The following SYDE1 variants were observed in gnomAD, a reference collection of about 807,000 sequenced individuals.
The protein encoded by SYDE1 is synapse defective Rho GTPase activating protein 1.
Under a neutral mutation model 63.3 loss-of-function variants are expected in SYDE1, and 34 were observed. The observed-to-expected ratio is 0.54, with a 90% CI of 0.41 to 0.71. The LOEUF is 0.71. Ranked by LOEUF, SYDE1 falls within the 30% of genes least tolerant of loss-of-function variation. The pLI, the probability that SYDE1 is intolerant of heterozygous loss-of-function variation, is 0.00. For missense variants in SYDE1, 925 were observed against 1,042.5 expected, an observed-to-expected ratio of 0.89 and a Z score of 1.55; for synonymous variants, 467 against 473.4, an observed-to-expected ratio of 0.99 and a Z score of 0.18.
rs2046346286 is a variant in SYDE1, at chr19:15,111,596, G to GA, written c.1418-36_1418-35insA. Reference sequence around the variant, plus strand: ...GTGCCCTCCTTAGCCTTAGAAGCCAGTGGTGCCCTGACCAGAGGGGACCCT... The same window carrying GA: ...GTGCCCTCCTTAGCCTTAGAAGCCAGATGGTGCCCTGACCAGAGGGGACCCT... On this transcript the variant is annotated intron_variant, in intron 5 of 7. Transcript: ENST00000342784. The surrounding 1 kb of genome is among the most constrained non-coding windows in gnomAD (Gnocchi z 5.5). 1 of 1,612,490 alleles carries GA rather than the reference G, an allele frequency of 6.2e-7. No individual in the cohort carries two copies. Among genetic ancestry groups the GA allele is most frequent in the African/African-American group, 1.3e-5 (1 of 74,892 alleles).
intron 7 of SYDE1, 104 bp downstream of exon 7, chr19:15,112,675 T>A: frequency 2.0e-6 from 2 of 989,096 alleles, no homozygotes; most frequent in Non-Finnish European, 2.9e-6. Flanking sequence ...CTACGCCCCC[T>A]CATGGAGTAA....
Position 15,110,459 on chromosome 19 carries a change from A to T in SYDE1, c.1076-62A>T. 1.8e-5 allele frequency: 27 copies of T among 1,505,068 alleles called. No homozygotes were observed. Among genetic ancestry groups the T allele is most frequent in the Non-Finnish European group, 2.4e-5 (27 of 1,121,222 alleles). The allele number at this position is 1,505,068 out of a possible 1,614,324, so 93.2% of individuals were successfully genotyped here. ...CCGGGCGGAAGGTGTGGCCTGGAGC[A>T]GCGAGGCCAGGGTACATGAAGCTTC... On this transcript the variant is annotated intron_variant, in intron 3 of 7. Transcript: ENST00000342784. The surrounding 1 kb of genome is among the most constrained non-coding windows in gnomAD (Gnocchi z 6.9).
At chr19:15,107,584 C>A in intron 1 of SYDE1, 63 bp downstream of exon 1, 1 of 1,284,372 alleles carries the variant, frequency 7.8e-7, no homozygotes, top group East Asian at 3.0e-5. Flanking sequence ...AGCGGGGTCC[C>A]AGGGCCCCGA....
Position 15,109,908 on chromosome 19 carries a change from G to GC in SYDE1, c.639dup (p.Gly214ArgfsTer179). ...TACCACCTGGACAGCAGCGTGGGGG[G>GC]CCCCGGGCCGGCAGCAGGGCCTGGG... On this transcript the variant is annotated frameshift_variant, in exon 3 of 8. Transcript: ENST00000342784. LOFTEE classifies it high-confidence loss of function. This position sits in a 1 kb window ranked among gnomAD's most constrained non-coding sequence, Gnocchi z 5.0. The GC allele has an allele frequency of 1.4e-6, 2 of 1,466,252 alleles. No homozygotes were observed. Among genetic ancestry groups the GC allele is most frequent in the East Asian group, 2.7e-5 (1 of 37,684 alleles). 90.8% of individuals were successfully genotyped at this position (1,466,252 alleles called of 1,614,324 possible).
At position 15,108,736 on chromosome 19, in the gene SYDE1, T is replaced by G; in HGVS notation, c.89-320T>G. ...GCAGGTGCAAAGCTCCATGCCACGG[T>G]TATTGAGAGGGTAGAGGAAGTGGAG... On this transcript the variant is annotated intron_variant, in intron 1 of 7. Coordinates refer to ENST00000342784, the MANE Select transcript of SYDE1 (RefSeq NM_033025.6). This position sits in a 1 kb window ranked among gnomAD's most constrained non-coding sequence, Gnocchi z 4.3. The G allele has an allele frequency of 1.5e-5, 4 of 272,538 alleles. No homozygotes were observed. The highest frequency in any genetic ancestry group is 2.7e-5 in the Non-Finnish European group (4 of 145,966). 16.9% of individuals were successfully genotyped at this position (272,538 alleles called of 1,614,324 possible). A position where few individuals can be genotyped will look rare whatever the true frequency, so the allele number is the denominator to read the frequency against.
Position 15,111,850 on chromosome 19 carries a change from G to T in SYDE1, c.1578+58G>T. 6.7e-7 allele frequency: 1 copy of T among 1,484,936 alleles called. No individual in the cohort carries two copies. Among genetic ancestry groups the T allele is most frequent in the South Asian group, 1.4e-5 (1 of 73,016 alleles). The allele number at this position is 1,484,936 out of a possible 1,614,324, so 92.0% of individuals were successfully genotyped here. A position where few individuals can be genotyped will look rare whatever the true frequency, so the allele number is the denominator to read the frequency against. ...GAGAGTGGGCTGATACCAATAGAAT[G>T]TTTCACCCATGCCTGGGCCTGAGAT... On this transcript the variant is annotated intron_variant, in intron 6 of 7. Transcript: ENST00000342784. The surrounding 1 kb of genome is among the most constrained non-coding windows in gnomAD (Gnocchi z 5.5).
rs757914105 is a variant in SYDE1, at chr19:15,111,422, A to G, written c.1400A>G (p.Asp467Gly). The G allele has an allele frequency of 2.5e-6, 4 of 1,613,890 alleles. No individual in the cohort carries two copies. In the Admixed American group the frequency reaches 5.0e-5, roughly 20 times the overall value. ...AVCLSEDLYP[D>G]INVITGILKD... ...TGCCTATCTGAGGACCTGTACCCCGATATCAATGTCATCACTGGTCAGCAT... is the reference window on the plus strand; with the variant it reads ...TGCCTATCTGAGGACCTGTACCCCGGTATCAATGTCATCACTGGTCAGCAT... The change falls in exon 5 of 8, where the codon GAT becomes GGT. Residue 467 changes from aspartate (D) to glycine (G), a missense_variant. This residue lies in a region of SYDE1 where 71 missense variants were observed against 132.8 expected (regional missense o/e 0.53). Transcript: ENST00000342784. This position sits in a 1 kb window ranked among gnomAD's most constrained non-coding sequence, Gnocchi z 5.5.
rs757780341 is a variant in SYDE1, at chr19:15,113,729, CGGGCGGGACTTCCTGCCCTGT to C, written c.1983_2003del (p.Pro664_Leu670del). 46 of 1,613,478 alleles carry C rather than the reference CGGGCGGGACTTCCTGCCCTGT, an allele frequency of 2.9e-5. No individual in the cohort carries two copies. The highest frequency in any genetic ancestry group is 3.7e-5 in the Non-Finnish European group (44 of 1,179,810). ...GCTACGCCGGCGACTGGAGCGTTTGCGGGCGGGACTTCCTGCCCTGTGGGCGGGATTTCCTGTCCGGGCCAG... is the reference window on the plus strand; with the variant it reads ...GCTACGCCGGCGACTGGAGCGTTTGCGGGCGGGATTTCCTGTCCGGGCCAG... On this transcript the variant is annotated inframe_deletion, in exon 8 of 8. Coordinates refer to ENST00000342784, the MANE Select transcript of SYDE1 (RefSeq NM_033025.6).
At position 15,108,979 on chromosome 19, in the gene SYDE1, C is replaced by G. The variant is rs1376890414; in HGVS notation, c.89-77C>G. 1.4e-6 allele frequency: 2 copies of G among 1,424,860 alleles called. No homozygotes were observed. Among genetic ancestry groups the G allele is most frequent in the Admixed American group, 5.9e-5 (2 of 33,746 alleles). The allele number at this position is 1,424,860 out of a possible 1,614,324, so 88.3% of individuals were successfully genotyped here. On this transcript the variant is annotated intron_variant, in intron 1 of 7. Coordinates refer to ENST00000342784, the MANE Select transcript of SYDE1 (RefSeq NM_033025.6). The surrounding 1 kb of genome is among the most constrained non-coding windows in gnomAD (Gnocchi z 4.3). ...GCCAGGGCCGTACACAGCATCCCAC[C>G]CACTGATCAATTGCACAGGGCTGCT...
At position 15,111,598 on chromosome 19, in the gene SYDE1, G is replaced by A. The variant is rs1311673906; in HGVS notation, c.1418-34G>A. On this transcript the variant is annotated intron_variant, in intron 5 of 7. Coordinates refer to ENST00000342784, the MANE Select transcript of SYDE1 (RefSeq NM_033025.6). The surrounding 1 kb of genome is among the most constrained non-coding windows in gnomAD (Gnocchi z 5.5). ...GCCCTCCTTAGCCTTAGAAGCCAGT[G>A]GTGCCCTGACCAGAGGGGACCCTGT... is the stretch of plus-strand genomic sequence containing the variant. 1 of 1,612,600 alleles carries A rather than the reference G, an allele frequency of 6.2e-7. No homozygotes were observed. The highest frequency in any genetic ancestry group is 1.3e-5 in the African/African-American group (1 of 74,894).
In SYDE1 at chr19:15,111,567, A is replaced by G; in HGVS notation, c.1418-65A>G. 3.7e-6 allele frequency: 6 copies of G among 1,605,324 alleles called. No homozygotes were observed. The highest frequency in any genetic ancestry group is 5.1e-6 in the Non-Finnish European group (6 of 1,174,674). ...TTTCACCCACCTCCTCTTCCCCCTT[A>G]GCTGTGCCCTCCTTAGCCTTAGAAG... On this transcript the variant is annotated intron_variant, in intron 5 of 7. Coordinates refer to ENST00000342784, the MANE Select transcript of SYDE1 (RefSeq NM_033025.6). This position sits in a 1 kb window ranked among gnomAD's most constrained non-coding sequence, Gnocchi z 5.5.
chr19:15,113,994 A>G lies in SYDE1; in HGVS notation c.*31A>G. ...ATGACGGGGTGGGACCCCGGTTAGTAAGGACCGGGCGCCCAGTGGCTAAGG... is the reference window on the plus strand; with the variant it reads ...ATGACGGGGTGGGACCCCGGTTAGTGAGGACCGGGCGCCCAGTGGCTAAGG... On this transcript the variant is annotated 3_prime_UTR_variant, in exon 8 of 8. Transcript: ENST00000342784. The G allele has an allele frequency of 6.3e-7, 1 of 1,589,976 alleles. No individual in the cohort carries two copies. Among genetic ancestry groups the G allele is most frequent in the Non-Finnish European group, 8.6e-7 (1 of 1,166,508 alleles).
Position 15,110,248 on chromosome 19 carries a change from C to T in SYDE1, c.975C>T (p.Ala325=), listed in dbSNP as rs1217553641. 31 of 1,413,186 alleles carry T rather than the reference C, an allele frequency of 2.2e-5. No individual in the cohort carries two copies. The South Asian group carries it at 4.4e-4, about 20-fold the overall frequency. 87.5% of individuals were successfully genotyped at this position (1,413,186 alleles called of 1,614,324 possible). The change falls in exon 3 of 8, where the codon GCC becomes GCT. Residue 325 remains alanine (A), a synonymous_variant. Transcript: ENST00000342784. The surrounding 1 kb of genome is among the most constrained non-coding windows in gnomAD (Gnocchi z 6.9). ...LDHTFHLELE[A]ARLLRALVLA... ...ACACCTTCCACCTGGAGCTGGAGGCCGCCAGGCTCCTGCGCGCCCTGGTGC... is the reference window on the plus strand; with the variant it reads ...ACACCTTCCACCTGGAGCTGGAGGCTGCCAGGCTCCTGCGCGCCCTGGTGC...
At position 15,109,700 on chromosome 19, in the gene SYDE1, A is replaced by C. The variant is rs1599322038; in HGVS notation, c.431-4A>C. 6.7e-7 allele frequency: 1 copy of C among 1,483,258 alleles called. No homozygotes were observed. The highest frequency in any genetic ancestry group is 9.0e-7 in the Non-Finnish European group (1 of 1,114,232). 91.9% of individuals were successfully genotyped at this position (1,483,258 alleles called of 1,614,324 possible). On this transcript the variant is annotated splice_region_variant and splice_polypyrimidine_tract_variant and intron_variant, in intron 2 of 7. Transcript: ENST00000342784. This position sits in a 1 kb window ranked among gnomAD's most constrained non-coding sequence, Gnocchi z 5.0. ...CTGGACCCTGAAGTCTGCTCTCCAC[A>C]CAGGTGCAGCCCCCGCCAGCCCCCC...
chr19:15,110,270 G>C lies in SYDE1; in HGVS notation c.997G>C (p.Val333Leu). 2 of 1,416,854 alleles carry C rather than the reference G, an allele frequency of 1.4e-6. No homozygotes were observed. The highest frequency in any genetic ancestry group is 1.8e-6 in the Non-Finnish European group (2 of 1,088,236). 87.8% of individuals were successfully genotyped at this position (1,416,854 alleles called of 1,614,324 possible). The change falls in exon 3 of 8, where the codon GTG becomes CTG. Residue 333 changes from valine to leucine, a missense_variant. Val to Leu is a conservative substitution (Grantham distance 32). This residue lies in a region of SYDE1 where 599 missense variants were observed against 653.7 expected (regional missense o/e 0.92). Transcript: ENST00000342784. The surrounding 1 kb of genome is among the most constrained non-coding windows in gnomAD (Gnocchi z 6.9). ...GGCCGCCAGGCTCCTGCGCGCCCTG[G>C]TGCTTGCGTGGGACCCTGGCGTGAG... ...LEAARLLRAL[V>L]LAWDPGVRRH...
chr19:15,113,882 G>A lies in SYDE1; in HGVS notation c.2127G>A (p.Pro709=), dbSNP rs775739044. ...ACGACTTCGATGCGCCCTTCAACCC[G>A]CACCTGAATCTCAAAGACTTCGACG... ...FEDDFDAPFN[P]HLNLKDFDAL... The change falls in exon 8 of 8, where the codon CCG becomes CCA. Residue 709 remains proline (P), a synonymous_variant. Coordinates refer to ENST00000342784, the MANE Select transcript of SYDE1 (RefSeq NM_033025.6). The A allele has an allele frequency of 3.1e-6, 5 of 1,614,022 alleles. No individual in the cohort carries two copies. The highest frequency in any genetic ancestry group is 3.4e-6 in the Non-Finnish European group (4 of 1,180,026).
At position 15,109,318 on chromosome 19, in the gene SYDE1, G is replaced by C; in HGVS notation, c.351G>C (p.Glu117Asp). 1 of 1,612,284 alleles carries C rather than the reference G, an allele frequency of 6.2e-7. No individual in the cohort carries two copies. The change falls in exon 2 of 8, where the codon GAG becomes GAC. Residue 117 changes from glutamate (E) to aspartate (D), a missense_variant. Coordinates refer to ENST00000342784, the MANE Select transcript of SYDE1 (RefSeq NM_033025.6). This position sits in a 1 kb window ranked among gnomAD's most constrained non-coding sequence, Gnocchi z 5.0. ...AGEIWYNPIP[E>D]EDPRPPAPEP... Reference sequence around the variant, plus strand: ...AGATCTGGTACAACCCCATCCCTGAGGAAGACCCCAGACCTCCAGCACCTG... The same window carrying C: ...AGATCTGGTACAACCCCATCCCTGACGAAGACCCCAGACCTCCAGCACCTG...
chr19:15,112,220 AC>A, intron 6 of SYDE1, 125 bp from the exon 7 acceptor site: 2 of 648,498 alleles, frequency 3.1e-6, no homozygotes, highest in South Asian at 3.9e-5. Context: ...AATAGTCTTA[AC>A]CCGACCACAT....
In SYDE1 at chr19:15,109,027, T is replaced by C. The variant is rs1599321295; in HGVS notation, c.89-29T>C. The C allele has an allele frequency of 7.6e-6, 11 of 1,454,542 alleles. No homozygotes were observed. The highest frequency in any genetic ancestry group is 9.9e-6 in the Non-Finnish European group (11 of 1,109,470). 90.1% of individuals were successfully genotyped at this position (1,454,542 alleles called of 1,614,324 possible). A position where few individuals can be genotyped will look rare whatever the true frequency, so the allele number is the denominator to read the frequency against. On this transcript the variant is annotated intron_variant, in intron 1 of 7. Transcript: ENST00000342784. This position sits in a 1 kb window ranked among gnomAD's most constrained non-coding sequence, Gnocchi z 5.0. ...GCTCTGCAGGCAGTGAGGGGCTGGG[T>C]GGGTCTCACTCCCCTTGCTCTCTGC...
Sources: gnomAD v4.1 joint callset for allele counts on GRCh38, gnomAD v4.1.1 for gene constraint, gnomAD v4.1.1 regional missense constraint, Gnocchi (gnomAD v3.1) non-coding constraint, MANE v1.5 for transcripts, NCBI Gene and HGNC (gene_info 2026-07-23, HGNC 2026-07-21) for gene names.